Variants in SRBD1 observed in about 807,000 individuals in gnomAD.
SRBD1 encodes S1 RNA-binding domain-containing protein 1.
Under a neutral mutation model 115.3 loss-of-function variants are expected in SRBD1, and 88 were observed. That is an observed-to-expected ratio of 0.76 (90% CI 0.64 to 0.91). The LOEUF is 0.91. SRBD1 is among the 40% of genes least tolerant of loss of function. The pLI is 0.00. For missense variants in SRBD1, 1,385 were observed against 1,177.4 expected (o/e 1.18, Z -2.58); for synonymous variants, 509 against 407.7 (o/e 1.25, Z -2.99).
At chr2:45,427,794 G>A (rs1279103210) in intron 16 of SRBD1, among the ~76,000 whole-genome samples, 1 of 152,154 alleles carries the variant, frequency 6.6e-6, no homozygotes, top group Non-Finnish European at 1.5e-5. Context: ...TCTCTGGGAT[G>A]CAAGCCTGGT....
intron 2 of SRBD1, among the ~76,000 whole-genome samples, chr2:45,602,453 TTAAA>T (rs1674125593): frequency 6.6e-6 from 1 of 152,238 alleles, no homozygotes; most frequent in Non-Finnish European, 1.5e-5. Context: ...TGAAAAGCAC[TTAAA>T]TAAGTTCCCA....
At chr2:45,544,172 G>A (rs1040414261) in intron 14 of SRBD1, among the ~76,000 whole-genome samples, 5 of 143,674 alleles carry the variant, frequency 3.5e-5, no homozygotes, top group Non-Finnish European at 5.9e-5. Context: ...GGTGGAGCTT[G>A]CAATGAACCA....
Position 45,407,437 on chromosome 2 carries a change from C to T in SRBD1, c.2513+5677G>A, listed in dbSNP as rs554395598. ...CTTTTTCCTGGGAACAACCTTTGTG[C>T]TTCACAAAGGGTACTTTCTAATTGT... On this transcript the variant is annotated intron_variant, in intron 19 of 20. Transcript: ENST00000263736. Among the ~76,000 whole-genome samples, 4 of 152,270 alleles carry T rather than the reference C, an allele frequency of 2.6e-5. No homozygotes were observed. In the South Asian group the frequency reaches 8.3e-4, roughly 32 times the overall value.
At chr2:45,463,434 T>C (rs1669386165) in intron 16 of SRBD1, among the ~76,000 whole-genome samples, 1 of 152,182 alleles carries the variant, frequency 6.6e-6, no homozygotes, top group East Asian at 1.9e-4. Flanking sequence ...AACACACATA[T>C]ATAAAGGAAT....
chr2:45,549,145 A>C (rs1558470964), intron 12 of SRBD1: 1 of 152,234 alleles, frequency 6.6e-6, no homozygotes, highest in Non-Finnish European at 1.5e-5. Context: ...AAAGACAAAA[A>C]TTCCACACTG....
At chr2:45,422,044 G>A (rs1405788937) in intron 16 of SRBD1, among the ~76,000 whole-genome samples, 1 of 152,066 alleles carries the variant, frequency 6.6e-6, no homozygotes, top group African/African-American at 2.4e-5. Context: ...AAAATGGGTG[G>A]GTAGGAGATA....
chr2:45,439,636 G>C (rs1668600789), intron 16 of SRBD1, among the ~76,000 whole-genome samples: 1 of 151,720 alleles, frequency 6.6e-6, no homozygotes, highest in South Asian at 2.1e-4. Flanking sequence ...AAGCAGATGG[G>C]ACAAACAAAG....
intron 15 of SRBD1, among the ~76,000 whole-genome samples, chr2:45,482,651 C>A (rs1287310742): frequency 1.3e-5 from 2 of 149,828 alleles, no homozygotes; most frequent in Non-Finnish European, 3.0e-5. Context: ...CACACAAACC[C>A]ATGAATAATA....
Position 45,554,516 on chromosome 2 carries a change from T to TA in SRBD1, c.1410-787dup, listed in dbSNP as rs1348527308. Among the ~76,000 whole-genome samples the TA allele has an allele frequency of 8.5e-5, 13 of 152,284 alleles. No individual in the cohort carries two copies. In the East Asian group the frequency reaches 1.9e-3, roughly 23 times the overall value. On this transcript the variant is annotated intron_variant, in intron 10 of 20. Transcript: ENST00000263736. ...TTGCCTCTTGCCATTTCTGAGAACTTACTCTATTGCTCAGGCCACAATGCT... is the reference window on the plus strand; with the variant it reads ...TTGCCTCTTGCCATTTCTGAGAACTTAACTCTATTGCTCAGGCCACAATGCT...
At chr2:45,432,624 G>T (rs1199835759) in intron 16 of SRBD1, among the ~76,000 whole-genome samples, 1 of 152,156 alleles carries the variant, frequency 6.6e-6, no homozygotes, top group African/African-American at 2.4e-5. Flanking sequence ...AGAAGCAAGA[G>T]GGCCTGAGGG....
intron 9 of SRBD1, among the ~76,000 whole-genome samples, chr2:45,565,399 T>C (rs893437789): frequency 1.2e-4 from 19 of 152,164 alleles, no homozygotes; most frequent in African/African-American, 4.3e-4. Context: ...TTTCAATAAA[T>C]CATGAATAAC....
At chr2:45,529,494 A>C (rs1372055049) in intron 14 of SRBD1, among the ~76,000 whole-genome samples, 2 of 151,890 alleles carry the variant, frequency 1.3e-5, no homozygotes, top group Non-Finnish European at 2.9e-5. Context: ...AAAATCCGAA[A>C]ATTTGAACAG....
chr2:45,390,192 G>C (rs1191640907), intron 20 of SRBD1, among the ~76,000 whole-genome samples: 1 of 151,946 alleles, frequency 6.6e-6, no homozygotes, highest in Non-Finnish European at 1.5e-5. Context: ...ATTATCTATG[G>C]CTCAGAATCC....
rs368355636 is a variant in SRBD1, at chr2:45,601,950, G to T, written c.214C>A (p.Pro72Thr). 35 of 1,614,020 alleles carry T rather than the reference G, an allele frequency of 2.2e-5. No individual in the cohort carries two copies. The highest frequency in any genetic ancestry group is 2.7e-5 in the Non-Finnish European group (32 of 1,180,038). ...KRMPRVKKNA[P>T]QISDGSEVVV... ...ACTTCTGAGCCATCACTGATCTGTGGGGCATTCTTCTTCACCCGAGGCATC... is the reference window on the plus strand; with the variant it reads ...ACTTCTGAGCCATCACTGATCTGTGTGGCATTCTTCTTCACCCGAGGCATC... The change falls in exon 3 of 21, where the codon CCA (proline) becomes ACA (threonine). Residue 72 changes from proline to threonine, a missense_variant. By Grantham distance (38) the Pro-to-Thr change is conservative. Transcript: ENST00000263736.
At chr2:45,437,756 T>G (rs1572640754) in intron 16 of SRBD1, among the ~76,000 whole-genome samples, 2 of 151,784 alleles carry the variant, frequency 1.3e-5, no homozygotes, top group South Asian at 4.2e-4. Context: ...TGAAACAAAC[T>G]CACATCAAAA....
chr2:45,575,492 G>A (rs1473142318), intron 7 of SRBD1, among the ~76,000 whole-genome samples: 2 of 152,116 alleles, frequency 1.3e-5, no homozygotes, highest in Non-Finnish European at 2.9e-5. Context: ...CACTAAACCT[G>A]AATTACACAA....
intron 16 of SRBD1, among the ~76,000 whole-genome samples, chr2:45,442,811 G>A (rs1668710492): frequency 6.6e-6 from 1 of 152,172 alleles, no homozygotes; most frequent in African/African-American, 2.4e-5. Context: ...ACACTGAGAA[G>A]AAATGGAGAT....
At chr2:45,445,550 TAAAAAAAAA>T (rs59451865) in intron 16 of SRBD1, among the ~76,000 whole-genome samples, 44 of 37,042 alleles carry the variant, frequency 1.2e-3, no homozygotes, top group African/African-American at 2.8e-3. Context: ...TTCCCAGAGG[TAAAAAAAAA>T]AAAAAAAAAA....
At chr2:45,566,371 A>G (rs1672831097) in intron 9 of SRBD1, among the ~76,000 whole-genome samples, 1 of 152,266 alleles carries the variant, frequency 6.6e-6, no homozygotes, top group Admixed American at 6.5e-5. Flanking sequence ...AATATTACGT[A>G]GCAATAAAAA....
Sources: gnomAD v4.1 joint callset for allele counts (sites outside exome capture counted in the v4.1 genomes callset) on GRCh38, gnomAD v4.1.1 for gene constraint, MANE v1.5 for transcripts, NCBI Gene and HGNC (gene_info 2026-07-23, HGNC 2026-07-21) for gene names.